GRID1: variants seen among roughly 807,000 people sequenced by gnomAD.
GRID1 encodes the protein glutamate ionotropic receptor delta type subunit 1.
GRID1 carries 28 observed loss-of-function variants against 98.0 expected under a neutral mutation model. The observed-to-expected ratio is 0.29, with a 90% CI of 0.21 to 0.39. GRID1 has a LOEUF of 0.39. GRID1 is among the 10% of genes least tolerant of loss of function. GRID1 has a pLI of 1.00. For synonymous variants in GRID1, 553 were observed against 538.5 expected (o/e 1.03, Z -0.37); for missense variants, 1,111 against 1,340.5 (o/e 0.83, Z 2.67).
rs368153285 is a variant in GRID1 at position 86,047,747 on chromosome 10, GA to G, written c.726+91071del. On this transcript the variant is annotated intron_variant, in intron 4 of 15. Coordinates refer to ENST00000327946, the MANE Select transcript of GRID1 (RefSeq NM_017551.3). ...CACTCAGAGATGTGGTTTCTAGGGG[GA>G]AAAAAATGACTTTTAATCAAGACTG... Among the ~76,000 whole-genome samples, 340 of 151,970 alleles carry G rather than the reference GA, an allele frequency of 2.2e-3. 2 individuals carry two copies. Among genetic ancestry groups the G allele is most frequent in the African/African-American group, 6.1e-3 (252 of 41,444 alleles).
chr10:85,820,047 C>T (rs191404536), intron 8 of GRID1, among the ~76,000 whole-genome samples: 1 of 108,774 alleles, frequency 9.2e-6, no homozygotes, highest in African/African-American at 4.1e-5. Flanking sequence ...GGCAGGCAGG[C>T]AGGCAGGCAG....
At chr10:86,082,190 GA>G (rs1843987042) in intron 4 of GRID1, among the ~76,000 whole-genome samples, 1 of 152,144 alleles carries the variant, frequency 6.6e-6, no homozygotes, top group Non-Finnish European at 1.5e-5. Context: ...CTCAAAAAAG[GA>G]AAAATAATAG....
At chr10:85,631,749 C>A (rs1269492411) in intron 13 of GRID1, among the ~76,000 whole-genome samples, 1 of 151,964 alleles carries the variant, frequency 6.6e-6, no homozygotes, top group Admixed American at 6.6e-5. Flanking sequence ...TGAGTTATTC[C>A]ATGGGAAAAA....
chr10:85,951,495 T>C (rs1385080307), intron 4 of GRID1, among the ~76,000 whole-genome samples: 1 of 152,204 alleles, frequency 6.6e-6, no homozygotes, highest in African/African-American at 2.4e-5. Context: ...CACACTTCCC[T>C]ACTCATGATC....
chr10:85,832,397 T>C (rs566920922), intron 8 of GRID1, among the ~76,000 whole-genome samples: 1 of 152,112 alleles, frequency 6.6e-6, no homozygotes, highest in South Asian at 2.1e-4. Flanking sequence ...TTCAGACAAA[T>C]TCTCCATGAA....
chr10:85,711,961 G>T (rs940112318), intron 12 of GRID1, among the ~76,000 whole-genome samples: 7 of 151,542 alleles, frequency 4.6e-5, no homozygotes, highest in Non-Finnish European at 1.0e-4. Context: ...TAATTGTAGT[G>T]TCCTGTGCAA....
chr10:85,923,598 A>G (rs7911282), intron 4 of GRID1, among the ~76,000 whole-genome samples: 24,831 of 152,054 alleles, frequency 0.16, 2,130 homozygotes, highest in East Asian at 0.22. Context: ...GCCTACTGAA[A>G]GAGGCTACTG....
At chr10:86,150,065 T>C (rs1845142115) in intron 3 of GRID1, among the ~76,000 whole-genome samples, 1 of 152,256 alleles carries the variant, frequency 6.6e-6, no homozygotes, top group Admixed American at 6.5e-5. Context: ...GTAATGATTT[T>C]AGCAGTTCTT....
intron 5 of GRID1, among the ~76,000 whole-genome samples, chr10:85,910,964 C>T (rs775560847): frequency 2.0e-5 from 3 of 152,078 alleles, no homozygotes; most frequent in Non-Finnish European, 4.4e-5. Context: ...AAAAACCCTG[C>T]CAAAACCCCA....
intron 8 of GRID1, among the ~76,000 whole-genome samples, chr10:85,802,462 A>C (rs955567216): frequency 1.3e-5 from 2 of 152,166 alleles, no homozygotes; most frequent in Non-Finnish European, 2.9e-5. Flanking sequence ...AACAGGAGGC[A>C]TGATAAATCA....
At chr10:86,361,931 G>A (rs879886576) in intron 2 of GRID1, among the ~76,000 whole-genome samples, 7 of 152,208 alleles carry the variant, frequency 4.6e-5, no homozygotes, top group Non-Finnish European at 7.3e-5. Flanking sequence ...TGCATGAGGT[G>A]GCAACCTTGT....
intron 4 of GRID1, among the ~76,000 whole-genome samples, chr10:86,137,934 T>A (rs1844952653): frequency 6.6e-6 from 1 of 152,166 alleles, no homozygotes; most frequent in African/African-American, 2.4e-5. Context: ...GGAATTAGTA[T>A]AATGTCATGT....
intron 8 of GRID1, among the ~76,000 whole-genome samples, chr10:85,851,607 T>A (rs2131778545): frequency 6.6e-6 from 1 of 152,342 alleles, no homozygotes; most frequent in Middle Eastern, 3.4e-3. Context: ...TGCTACTTAA[T>A]TTAAATGATT....
At chr10:86,123,933 A>G (rs184263958) in intron 4 of GRID1, among the ~76,000 whole-genome samples, 3 of 152,266 alleles carry the variant, frequency 2.0e-5, no homozygotes, top group Admixed American at 2.0e-4. Flanking sequence ...TTCCCACACC[A>G]AGGGCCCATG....
Position 86,024,021 on chromosome 10 carries a change from T to A in GRID1, c.727-107782A>T, listed in dbSNP as rs1843083963. 3.3e-5 allele frequency among the ~76,000 whole-genome samples: 5 copies of A among 152,266 alleles called. No homozygotes were observed. In the South Asian group the frequency reaches 1.0e-3, roughly 32 times the overall value. ...AATGCCTTCCTCTTCTTCCTCTTCA[T>A]TCTCTCCTCTACAGTGCCTCTGAAC... On this transcript the variant is annotated intron_variant, in intron 4 of 15. Coordinates refer to ENST00000327946, the MANE Select transcript of GRID1 (RefSeq NM_017551.3).
chr10:86,043,534 G>A (rs970456840), intron 4 of GRID1, among the ~76,000 whole-genome samples: 1 of 152,202 alleles, frequency 6.6e-6, no homozygotes, highest in Non-Finnish European at 1.5e-5. Flanking sequence ...TTACTGGCAG[G>A]CTGGGGCCTG....
chr10:85,876,700 T>C (rs913336584), intron 5 of GRID1, among the ~76,000 whole-genome samples: 1 of 152,210 alleles, frequency 6.6e-6, no homozygotes. Context: ...AGGTGATTTC[T>C]GCATTTCCAT....
intron 4 of GRID1, among the ~76,000 whole-genome samples, chr10:86,060,501 T>A (rs963473902): frequency 4.6e-5 from 7 of 152,142 alleles, no homozygotes; most frequent in African/African-American, 1.4e-4. Flanking sequence ...AGAGATCACA[T>A]CCAGGGAGGC....
intron 15 of GRID1, among the ~76,000 whole-genome samples, chr10:85,609,602 G>A (rs1188157716): frequency 6.6e-6 from 1 of 152,222 alleles, no homozygotes; most frequent in African/African-American, 2.4e-5. Flanking sequence ...GCAGACAGAG[G>A]CTGCCCACAG....
Sources: gnomAD v4.1 joint callset for allele counts (sites outside exome capture counted in the v4.1 genomes callset) on GRCh38, gnomAD v4.1.1 for gene constraint, MANE v1.5 for transcripts, NCBI Gene and HGNC (gene_info 2026-07-23, HGNC 2026-07-21) for gene names.